BLM: variants seen among roughly 807,000 people sequenced by gnomAD.
BLM encodes recQ-like DNA helicase BLM.
BLM carries 95 observed loss-of-function variants against 135.3 expected under a neutral mutation model. The ratio of observed to expected loss-of-function variants is 0.70; its 90% CI spans 0.59 to 0.83. BLM has a LOEUF of 0.83. Ranked by LOEUF, BLM falls within the 40% of genes least tolerant of loss-of-function variation. BLM has a pLI of 0.00. For missense variants in BLM, 1,518 were observed against 1,663.9 expected, an observed-to-expected ratio of 0.91 and a Z score of 1.53; for synonymous variants, 520 against 589.2, an observed-to-expected ratio of 0.88 and a Z score of 1.70.
At chr15:90,802,918 C>T (rs553496564) in intron 17 of BLM, among the ~76,000 whole-genome samples, 1 of 152,258 alleles carries the variant, frequency 6.6e-6, no homozygotes, top group East Asian at 1.9e-4. Context: ...ATCAAAATAT[C>T]TCATGTACTA....
chr15:90,798,361 T>G, intron 17 of BLM, 24 bp downstream of exon 17: 2 of 1,609,642 alleles, frequency 1.2e-6, no homozygotes, highest in Non-Finnish European at 1.7e-6. Context: ...TTTGAATGTT[T>G]GAGTTACTTC....
intron 12 of BLM, among the ~76,000 whole-genome samples, chr15:90,782,547 A>C (rs1451986684): frequency 6.6e-6 from 1 of 152,216 alleles, no homozygotes; most frequent in African/African-American, 2.4e-5. Flanking sequence ...ATCCCAAGTC[A>C]GATGAAGTCC....
chr15:90,803,069 A>G, intron 17 of BLM, among the ~76,000 whole-genome samples: 1 of 151,972 alleles, frequency 6.6e-6, no homozygotes, highest in East Asian at 1.9e-4. Flanking sequence ...AGGCTGAGGC[A>G]GGAGGATCAC....
chr15:90,773,108 A>AG (rs1896369693), intron 12 of BLM, among the ~76,000 whole-genome samples: 1 of 149,342 alleles, frequency 6.7e-6, no homozygotes, highest in Non-Finnish European at 1.5e-5. Context: ...AAAAAAAAAA[A>AG]AAAAAAAAAA....
chr15:90,810,494 G>A (rs1219439747), intron 20 of BLM, among the ~76,000 whole-genome samples: 1 of 152,220 alleles, frequency 6.6e-6, no homozygotes, highest in East Asian at 1.9e-4. Context: ...TGGCCTGTAG[G>A]ACAAGGCAGA....
At chr15:90,763,693 A>G (rs1567042511) in intron 8 of BLM, among the ~76,000 whole-genome samples, 1 of 152,220 alleles carries the variant, frequency 6.6e-6, no homozygotes, top group Non-Finnish European at 1.5e-5. Context: ...TACCTGGTTC[A>G]CAGAGTGGCA....
intron 12 of BLM, among the ~76,000 whole-genome samples, chr15:90,773,731 C>T (rs1238348308): frequency 6.6e-6 from 1 of 152,082 alleles, no homozygotes; most frequent in Non-Finnish European, 1.5e-5. Context: ...AATCACATAA[C>T]ATGTGGCCTT....
At position 90,729,877 on chromosome 15, in the gene BLM, G is replaced by A. The variant is rs533466168; in HGVS notation, c.-5+12437G>A. Among the ~76,000 whole-genome samples, 6 of 151,962 alleles carry A rather than the reference G, an allele frequency of 3.9e-5. 1 individual carries two copies. The East Asian group carries it at 7.7e-4, about 19-fold the overall frequency. On this transcript the variant is annotated intron_variant, in intron 1 of 21. Coordinates refer to ENST00000355112, the MANE Select transcript of BLM (RefSeq NM_000057.4). ...ATTTTTATTTTTGAGACGAAGTCTC[G>A]CTCTATCGCCCAGGCTGGAGTGCAG... is the stretch of plus-strand genomic sequence containing the variant.
At chr15:90,790,915 G>T (rs758027656) in intron 15 of BLM, 71 bp downstream of exon 15, 7 of 1,433,772 alleles carry the variant, frequency 4.9e-6, no homozygotes, top group Non-Finnish European at 6.9e-6. Flanking sequence ...TCCTGCTATT[G>T]TGGTACTTCT....
intron 1 of BLM, among the ~76,000 whole-genome samples, chr15:90,741,988 G>A (rs1895374973): frequency 6.6e-6 from 1 of 152,178 alleles, no homozygotes; most frequent in Non-Finnish European, 1.5e-5. Context: ...TTTCAAAAAT[G>A]CATTGATAAT....
chr15:90,762,054 A>AT (rs1896002014), intron 7 of BLM, among the ~76,000 whole-genome samples: 1 of 151,970 alleles, frequency 6.6e-6, no homozygotes, highest in Admixed American at 6.6e-5. Flanking sequence ...TCTTACAGTT[A>AT]CGCTGCTGAC....
chr15:90,813,418 A>G (rs1897473056), intron 21 of BLM, among the ~76,000 whole-genome samples: 1 of 151,848 alleles, frequency 6.6e-6, no homozygotes, highest in African/African-American at 2.4e-5. Flanking sequence ...GTCGTTATGG[A>G]GTTTTGCTCT....
chr15:90,806,230 G>T (rs189676972), intron 19 of BLM, among the ~76,000 whole-genome samples: 1 of 152,102 alleles, frequency 6.6e-6, no homozygotes, highest in Non-Finnish European at 1.5e-5. Context: ...ATTGTAATGG[G>T]CTGGGGGCCG....
chr15:90,769,400 C>T lies in BLM; in HGVS notation c.2407-38C>T. 1.9e-6 allele frequency: 3 copies of T among 1,612,954 alleles called. No homozygotes were observed. In the East Asian group the frequency reaches 6.7e-5, roughly 36 times the overall value. ...GTTGGCTTTTTATAGAAGGAAGCTC[C>T]AAGTAGTCTGAAAAGCAGTATTTTT... On this transcript the variant is annotated intron_variant, in intron 11 of 21. Transcript: ENST00000355112.
chr15:90,794,448 C>G, intron 16 of BLM, 91 bp downstream of exon 16: 1 of 1,037,006 alleles, frequency 9.6e-7, no homozygotes, highest in Non-Finnish European at 1.4e-6. Flanking sequence ...AAAAGGTGGT[C>G]TCCGACAGAT....
At chr15:90,746,459 G>C (rs530519591) in intron 1 of BLM, among the ~76,000 whole-genome samples, 1 of 152,338 alleles carries the variant, frequency 6.6e-6, no homozygotes, top group East Asian at 1.9e-4. Flanking sequence ...TAAACATGAA[G>C]ATTTCTCAAT....
chr15:90,814,953 T>C, intron 21 of BLM, 149 bp from the exon 22 acceptor site: 1 of 725,540 alleles, frequency 1.4e-6, no homozygotes, highest in East Asian at 2.7e-5. Flanking sequence ...AAAGGAAACT[T>C]ACCTTACCTA....
chr15:90,751,902 A>T lies in BLM; in HGVS notation c.915A>T (p.Pro305=). ...DYDTDFVPPS[P]EEIISASSSS... is the part of the protein sequence containing the mutation. ...ATACGGATTTTGTTCCACCTTCTCC[A>T]GAAGAAATTATTTCTGCTTCTTCTT... Residue 305 remains proline (P), a synonymous_variant, in exon 4 of 22, where the codon CCA becomes CCT. Coordinates refer to ENST00000355112, the MANE Select transcript of BLM (RefSeq NM_000057.4). The T allele has an allele frequency of 6.2e-7, 1 of 1,613,200 alleles. No individual in the cohort carries two copies. Among genetic ancestry groups the T allele is most frequent in the Non-Finnish European group, 8.5e-7 (1 of 1,179,266 alleles).
Position 90,736,400 on chromosome 15 carries a change from CA to C in BLM, c.-4-10987del, listed in dbSNP as rs375824032. 5.3e-3 allele frequency among the ~76,000 whole-genome samples: 810 copies of C among 152,130 alleles called. 4 individuals are homozygous for C. Among genetic ancestry groups the C allele is most frequent in the African/African-American group, 0.019 (780 of 41,502 alleles). ...TTGGCCTCTGGAGTAGCTGGGACCA[CA>C]AGTGCATGCCACCACGCCTTACTAA... On this transcript the variant is annotated intron_variant, in intron 1 of 21. Transcript: ENST00000355112.
Sources: gnomAD v4.1 joint callset for allele counts (sites outside exome capture counted in the v4.1 genomes callset) on GRCh38, gnomAD v4.1.1 for gene constraint, MANE v1.5 for transcripts, NCBI Gene and HGNC (gene_info 2026-07-23, HGNC 2026-07-21) for gene names.